Variants in GK5 observed in about 807,000 individuals in gnomAD.
GK5 encodes ATP:glycerol 3-phosphotransferase 5.
A neutral mutation model predicts 77.3 loss-of-function variants in GK5; 39 were observed. The ratio of observed to expected loss-of-function variants is 0.50; its 90% CI spans 0.39 to 0.66. GK5 has a LOEUF of 0.66. Ranked by LOEUF, GK5 falls within the 30% of genes least tolerant of loss-of-function variation. The pLI, the probability that GK5 is intolerant of heterozygous loss-of-function variation, is 0.00. For synonymous variants in GK5, 211 were observed against 208.0 expected (o/e 1.01, Z -0.13); for missense variants, 487 against 633.8 (o/e 0.77, Z 2.49).
rs980540370 is a variant in GK5 at position 142,162,831 on chromosome 3, A to T, written c.*2791T>A. 6.6e-6 allele frequency: 1 copy of T among 152,100 alleles called. No individual in the cohort carries two copies. The highest frequency in any genetic ancestry group is 1.5e-5 in the Non-Finnish European group (1 of 68,070). The allele number at this position is 152,100 out of a possible 1,614,324, so 9.4% of individuals were successfully genotyped here. On this transcript the variant is annotated 3_prime_UTR_variant, in exon 16 of 16. Transcript: ENST00000392993. ...GCCAACATGGTAAAACCCTGTCTCT[A>T]CTAAAAATACAAAAATCAGCTGGGC...
At chr3:142,217,828 A>G (rs868352284) in intron 1 of GK5, among the ~76,000 whole-genome samples, 1 of 152,230 alleles carries the variant, frequency 6.6e-6, no homozygotes. Flanking sequence ...AAAGCCAGAA[A>G]TAAGTGGCTC....
chr3:142,206,350 A>G (rs1385043287), intron 3 of GK5, among the ~76,000 whole-genome samples: 1 of 152,230 alleles, frequency 6.6e-6, no homozygotes, highest in African/African-American at 2.4e-5. Flanking sequence ...TGTTTTCCGC[A>G]GTCGTTGCAC....
chr3:142,224,954 G>C (rs1015226813), intron 1 of GK5, among the ~76,000 whole-genome samples: 3 of 152,222 alleles, frequency 2.0e-5, no homozygotes, highest in South Asian at 2.1e-4. Flanking sequence ...CCCTCTGGCT[G>C]GATGTGCACA....
intron 11 of GK5, among the ~76,000 whole-genome samples, chr3:142,179,256 T>C (rs1380014990): frequency 6.6e-6 from 1 of 152,218 alleles, no homozygotes; most frequent in Non-Finnish European, 1.5e-5. Flanking sequence ...CTCAAGTTAA[T>C]GAGGATCACT....
At chr3:142,166,537 G>T (rs765215298) in intron 15 of GK5, among the ~76,000 whole-genome samples, 9 of 151,818 alleles carry the variant, frequency 5.9e-5, no homozygotes, top group East Asian at 1.9e-4. Flanking sequence ...AAAAGCAAGA[G>T]AACTTTTTTT....
intron 5 of GK5, among the ~76,000 whole-genome samples, chr3:142,195,997 A>G (rs759267384): frequency 7.2e-5 from 11 of 152,128 alleles, no homozygotes; most frequent in Non-Finnish European, 8.8e-5. Context: ...TATTACTTCA[A>G]TCTCTTTACT....
At chr3:142,167,390 T>TAA (rs34321582) in intron 15 of GK5, among the ~76,000 whole-genome samples, 2 of 151,330 alleles carry the variant, frequency 1.3e-5, no homozygotes, top group East Asian at 1.9e-4. Flanking sequence ...AAAAAATTTT[T>TAA]AATTAAAAAT....
Position 142,163,440 on chromosome 3 carries a change from A to G in GK5, c.*2182T>C. 1 of 151,896 alleles carries G rather than the reference A, an allele frequency of 6.6e-6. No individual in the cohort carries two copies. The highest frequency in any genetic ancestry group is 1.5e-5 in the Non-Finnish European group (1 of 67,970). The allele number at this position is 151,896 out of a possible 1,614,324, so 9.4% of individuals were successfully genotyped here. Reference sequence around the variant, plus strand: ...CAGGCTTGCACCACCACATCCAGCTAATTTTTGTATTTTTAGTGGAGACAG... The same window carrying G: ...CAGGCTTGCACCACCACATCCAGCTGATTTTTGTATTTTTAGTGGAGACAG... On this transcript the variant is annotated 3_prime_UTR_variant, in exon 16 of 16. Transcript: ENST00000392993.
At chr3:142,209,098 G>A (rs1455361491) in intron 3 of GK5, among the ~76,000 whole-genome samples, 11 of 151,726 alleles carry the variant, frequency 7.2e-5, no homozygotes, top group South Asian at 4.2e-4. Context: ...GCAGTGAGCC[G>A]AGATAGCACC....
At chr3:142,166,428 T>A (rs938641419) in intron 15 of GK5, among the ~76,000 whole-genome samples, 3 of 152,264 alleles carry the variant, frequency 2.0e-5, no homozygotes, top group African/African-American at 7.2e-5. Flanking sequence ...TCTTTCAAAC[T>A]ATAGCCTTTT....
rs1553825247 is a variant in GK5 at position 142,159,853 on chromosome 3, C to CTCTCTTTTT, written c.*5768_*5769insAAAAAGAGA. Reference sequence around the variant, plus strand: ...TTTCTCTCTCTCTCTCTCTCTCTCTCTTTTTTTTTTTTGAGACAGAGTCTC... The same window carrying CTCTCTTTTT: ...TTTCTCTCTCTCTCTCTCTCTCTCTCTCTCTTTTTTTTTTTTTTTTTGAGACAGAGTCTC... On this transcript the variant is annotated 3_prime_UTR_variant, in exon 16 of 16. Coordinates refer to ENST00000392993, the MANE Select transcript of GK5 (RefSeq NM_001039547.3). 1.9e-5 allele frequency: 2 copies of CTCTCTTTTT among 106,094 alleles called. No individual in the cohort carries two copies. Among genetic ancestry groups the CTCTCTTTTT allele is most frequent in the Non-Finnish European group, 1.9e-5 (1 of 53,048 alleles). The allele number at this position is 106,094 out of a possible 1,614,324, so 6.6% of individuals were successfully genotyped here. A position where few individuals can be genotyped will look rare whatever the true frequency, so the allele number is the denominator to read the frequency against.
chr3:142,177,032 T>A (rs1243414464), intron 12 of GK5, among the ~76,000 whole-genome samples: 1 of 152,188 alleles, frequency 6.6e-6, no homozygotes, highest in Non-Finnish European at 1.5e-5. Flanking sequence ...TACATATACA[T>A]GTGTGTGCAT....
At chr3:142,183,696 T>G (rs1046812312) in intron 9 of GK5, among the ~76,000 whole-genome samples, 4 of 151,912 alleles carry the variant, frequency 2.6e-5, no homozygotes, top group Non-Finnish European at 5.9e-5. Context: ...TCTCGATCTC[T>G]TGATCCACCT....
chr3:142,193,744 T>C (rs903866821), intron 5 of GK5, among the ~76,000 whole-genome samples: 1 of 152,208 alleles, frequency 6.6e-6, no homozygotes, highest in Non-Finnish European at 1.5e-5. Flanking sequence ...GTTTTCTTTC[T>C]TTTTTGTGTG....
chr3:142,174,930 T>C (rs888349000), intron 12 of GK5, among the ~76,000 whole-genome samples: 2 of 152,134 alleles, frequency 1.3e-5, no homozygotes, highest in Admixed American at 6.5e-5. Flanking sequence ...ATTTCTAAGT[T>C]GTGAAGAAGC....
intron 2 of GK5, among the ~76,000 whole-genome samples, chr3:142,215,099 G>A (rs944650551): frequency 6.6e-6 from 1 of 152,180 alleles, no homozygotes; most frequent in Admixed American, 6.5e-5. Context: ...TCAATGTTTT[G>A]AGATGTTGTC....
chr3:142,196,918 T>C (rs1560225188), intron 5 of GK5, among the ~76,000 whole-genome samples: 1 of 152,214 alleles, frequency 6.6e-6, no homozygotes, highest in Non-Finnish European at 1.5e-5. Context: ...TCAAGCGCGG[T>C]GGCTCTCGCC....
At chr3:142,187,598 C>G (rs2063789519) in intron 6 of GK5, 106 bp downstream of exon 6, 2 of 766,364 alleles carry the variant, frequency 2.6e-6, no homozygotes, top group Admixed American at 5.0e-5. Context: ...GAGCGAGACC[C>G]TAGCTCAAAA....
chr3:142,171,883 G>A (rs912153488), intron 13 of GK5, among the ~76,000 whole-genome samples: 1 of 152,006 alleles, frequency 6.6e-6, no homozygotes, highest in African/African-American at 2.4e-5. Context: ...TATTTTAAAT[G>A]TTACAAACAT....
Sources: gnomAD v4.1 joint callset for allele counts (sites outside exome capture counted in the v4.1 genomes callset) on GRCh38, gnomAD v4.1.1 for gene constraint, MANE v1.5 for transcripts, NCBI Gene and HGNC (gene_info 2026-07-23, HGNC 2026-07-21) for gene names.